COQ6: variants seen among roughly 807,000 people sequenced by gnomAD.
COQ6 encodes ubiquinone biosynthesis monooxygenase COQ6, mitochondrial.
In COQ6, 45 loss-of-function variants were observed where a neutral mutation model predicts 55.5. The observed-to-expected ratio is 0.81, with a 90% CI of 0.64 to 1.04. The LOEUF (loss-of-function observed/expected upper bound fraction) is 1.04. Among genes scored for constraint, COQ6 ranks in the 50% least tolerant of loss-of-function variants. The probability of loss-of-function intolerance (pLI) is 0.00; values close to 1 mark genes in which losing one functional copy is unlikely to be tolerated. For missense variants in COQ6, 550 were observed against 601.3 expected, an observed-to-expected ratio of 0.91 and a Z score of 0.89; for synonymous variants, 206 against 230.5, an observed-to-expected ratio of 0.89 and a Z score of 0.96.
chr14:73,958,902 G>T, intron 5 of COQ6, 69 bp from the exon 6 acceptor site: 1 of 1,595,402 alleles, frequency 6.3e-7, no homozygotes, highest in Admixed American at 1.8e-5. Flanking sequence ...ACTTTAGGGA[G>T]CAGAGAAAAA....
chr14:73,961,416 G>C (rs758524718), intron 9 of COQ6, 39 bp from the exon 10 acceptor site: 1 of 1,614,126 alleles, frequency 6.2e-7, no homozygotes, highest in East Asian at 2.2e-5. Context: ...TTCTCACTTT[G>C]CTGCCAGAGG....
chr14:73,959,325 T>C, intron 7 of COQ6, 90 bp from the exon 8 acceptor site: 2 of 1,614,096 alleles, frequency 1.2e-6, no homozygotes, highest in Non-Finnish European at 1.7e-6. Flanking sequence ...GCCCAGGCTG[T>C]TTGTAAGTTC....
intron 1 of COQ6, among the ~76,000 whole-genome samples, chr14:73,951,115 G>A (rs982393992): frequency 2.6e-5 from 4 of 152,066 alleles, no homozygotes; most frequent in Non-Finnish European, 5.9e-5. Flanking sequence ...TCCTGCCTCT[G>A]CCTCCCAAAT....
chr14:73,950,392 G>A lies in COQ6; in HGVS notation c.60G>A (p.Pro20=). ...TGCGTGCAGCTCCCCACAGCGGCCC[G>A]CTGGTGTCCTGGCGCAGGTGGTCCG... The part of the protein sequence containing the change: ...GAVRAAPHSG[P]LVSWRRWSGA... Residue 20 remains proline (P), a synonymous_variant, in exon 1 of 12, where the codon CCG becomes CCA. Coordinates refer to ENST00000334571, the MANE Select transcript of COQ6 (RefSeq NM_182476.3). 6.3e-7 allele frequency: 1 copy of A among 1,579,108 alleles called. No individual in the cohort carries two copies. The highest frequency in any genetic ancestry group is 1.3e-5 in the African/African-American group (1 of 74,240).
At position 73,955,855 on chromosome 14, in the gene COQ6, A is replaced by G; in HGVS notation, c.408A>G (p.Leu136=). The part of the protein sequence containing the change: ...EALIMFDKDN[L]DDMGYIVEND... Reference sequence around the variant, plus strand: ...TGATAATGTTTGATAAGGATAATTTAGATGACATGGGCTATATCGTGGAGA... The same window carrying G: ...TGATAATGTTTGATAAGGATAATTTGGATGACATGGGCTATATCGTGGAGA... Residue 136 remains leucine, a synonymous_variant, in exon 4 of 12, where the codon TTA becomes TTG. Coordinates refer to ENST00000334571, the MANE Select transcript of COQ6 (RefSeq NM_182476.3). 3 of 1,614,154 alleles carry G rather than the reference A, an allele frequency of 1.9e-6. No individual in the cohort carries two copies. The highest frequency in any genetic ancestry group is 1.1e-5 in the South Asian group (1 of 91,080).
Position 73,950,380 on chromosome 14 carries a change from C to A in COQ6, c.48C>A (p.Pro16=). 2 of 1,569,182 alleles carry A rather than the reference C, an allele frequency of 1.3e-6. No homozygotes were observed. Among genetic ancestry groups the A allele is most frequent in the East Asian group, 2.4e-5 (1 of 42,152 alleles). ...GATGCGGGGCTGTGCGTGCAGCTCC[C>A]CACAGCGGCCCGCTGGTGTCCTGGC... ...VSRCGAVRAA[P]HSGPLVSWRR... is the part of the protein sequence containing the mutation. The change falls in exon 1 of 12, where the codon CCC becomes CCA. Residue 16 remains proline, a synonymous_variant. Coordinates refer to ENST00000334571, the MANE Select transcript of COQ6 (RefSeq NM_182476.3).
Position 73,959,424 on chromosome 14 carries a change from A to G in COQ6, c.793A>G (p.Thr265Ala), listed in dbSNP as rs1326851277. The change falls in exon 8 of 12, where the codon ACC (threonine) becomes GCC (alanine). Residue 265 changes from threonine to alanine, a missense_variant. By Grantham distance (58) the Thr-to-Ala change is moderately conservative (BLOSUM62 0). Transcript: ENST00000334571. ...GPIALLPLSDTLSSLVWSTSH... is the reference protein window; with the variant it reads ...GPIALLPLSDALSSLVWSTSH... ...TGTTCTTTTGACACAGCTCTCAGAC[A>G]CCTTGAGTTCCTTGGTTTGGTCCAC... is the stretch of plus-strand genomic sequence containing the variant. The G allele has an allele frequency of 6.2e-7, 1 of 1,614,166 alleles. No homozygotes were observed. Among genetic ancestry groups the G allele is most frequent in the Admixed American group, 1.7e-5 (1 of 60,016 alleles).
chr14:73,956,238 G>A (rs897667973), intron 4 of COQ6: 43 of 346,788 alleles, frequency 1.2e-4, no homozygotes, highest in Non-Finnish European at 5.7e-5. Context: ...TGAGGCAGGA[G>A]AATGGCGTGA....
At chr14:73,958,118 T>A in intron 4 of COQ6, 29 bp from the exon 5 acceptor site, 1 of 1,584,160 alleles carries the variant, frequency 6.3e-7, no homozygotes. Flanking sequence ...ACCTTTCTAA[T>A]TTTTTTTCCT....
chr14:73,959,723 C>T, intron 8 of COQ6: 8 of 1,154,910 alleles, frequency 6.9e-6, no homozygotes, highest in Non-Finnish European at 9.5e-6. Context: ...GCACGTGCCA[C>T]CATGCCCAGC....
rs763384220 is a variant in COQ6, at chr14:73,950,368, G to A, written c.36G>A (p.Val12=). 16 of 1,562,326 alleles carry A rather than the reference G, an allele frequency of 1.0e-5. No individual in the cohort carries two copies. In the South Asian group the frequency reaches 1.6e-4, roughly 16 times the overall value. ...GGCTTGTCAGCCGATGCGGGGCTGT[G>A]CGTGCAGCTCCCCACAGCGGCCCGC... is the stretch of plus-strand genomic sequence containing the variant. ...AARLVSRCGA[V]RAAPHSGPLV... is the part of the protein sequence containing the mutation. Residue 12 remains valine (V), a synonymous_variant, in exon 1 of 12, where the codon GTG becomes GTA. Coordinates refer to ENST00000334571, the MANE Select transcript of COQ6 (RefSeq NM_182476.3).
rs200918369 is a variant in COQ6 at position 73,959,176 on chromosome 14, C to T, written c.735C>T (p.Asn245=). The change falls in exon 7 of 12, where the codon AAC becomes AAT. Residue 245 remains asparagine (N), a synonymous_variant. Transcript: ENST00000334571. ...CTCTGTTGCAGGCCACAGAAAACAA[C>T]GTAGCCTGGCAGAGATTTCTTCCCT... ...TLHLSEATEN[N]VAWQRFLPSG... The T allele has an allele frequency of 5.8e-5, 94 of 1,614,106 alleles. No homozygotes were observed. Among genetic ancestry groups the T allele is most frequent in the African/African-American group, 1.3e-4 (10 of 74,938 alleles).
intron 8 of COQ6, chr14:73,960,651 C>T (rs948556577): frequency 6.0e-6 from 6 of 997,606 alleles, no homozygotes; most frequent in African/African-American, 5.1e-5. Flanking sequence ...GAACAGTCTC[C>T]GCTTTCAGGA....
chr14:73,956,965 A>G (rs1345562657), intron 4 of COQ6, among the ~76,000 whole-genome samples: 1 of 152,188 alleles, frequency 6.6e-6, no homozygotes, highest in African/African-American at 2.4e-5. Flanking sequence ...ATGTACATGC[A>G]TAGGAAATTG....
At position 73,960,645 on chromosome 14, in the gene COQ6, A is replaced by AGTC. The variant is rs1250784171; in HGVS notation, c.892-527_892-525dup. On this transcript the variant is annotated intron_variant, in intron 8 of 11. Transcript: ENST00000334571. ...AGCAGGCTCTGGAGATACTGAGAACAGTCTCCGCTTTCAGGAAGTTCATAG... is the reference window on the plus strand; with the variant it reads ...AGCAGGCTCTGGAGATACTGAGAACAGTCGTCTCCGCTTTCAGGAAGTTCATAG... 14 of 1,008,066 alleles carry AGTC rather than the reference A, an allele frequency of 1.4e-5. No homozygotes were observed. The African/African-American group carries it at 2.2e-4, about 16-fold the overall frequency. The allele number at this position is 1,008,066 out of a possible 1,614,324, so 62.4% of individuals were successfully genotyped here.
rs962746499 is a variant in COQ6 at position 73,960,837 on chromosome 14, C to T, written c.892-336C>T. The T allele has an allele frequency of 2.4e-5, 10 of 410,338 alleles. 1 individual carries two copies. The Admixed American group carries it at 3.6e-4, about 15-fold the overall frequency. 25.4% of individuals were successfully genotyped at this position (410,338 alleles called of 1,614,324 possible). A position where few individuals can be genotyped will look rare whatever the true frequency, so the allele number is the denominator to read the frequency against. ...GTTATCCTAATGAAATAGAGACGGG[C>T]ATTCTAAGCAGAGGAGAGTCATGGA... On this transcript the variant is annotated intron_variant, in intron 8 of 11. Coordinates refer to ENST00000334571, the MANE Select transcript of COQ6 (RefSeq NM_182476.3).
At chr14:73,951,980 C>CAAAAA (rs71115933) in intron 1 of COQ6, among the ~76,000 whole-genome samples, 1 of 79,776 alleles carries the variant, frequency 1.3e-5, no homozygotes, top group Non-Finnish European at 2.4e-5. Flanking sequence ...CTCGATATCT[C>CAAAAA]AAAAAAAAAA....
chr14:73,958,163 C>T lies in COQ6; in HGVS notation c.498C>T (p.Leu166=), dbSNP rs139341447. Residue 166 remains leucine, a synonymous_variant, in exon 5 of 12, where the codon CTC becomes CTT. Coordinates refer to ENST00000334571, the MANE Select transcript of COQ6 (RefSeq NM_182476.3). ...LEAVSDRVTV[L]YRSKAIRYTW... ...CCTCCCCAGACCGAGTGACGGTTCT[C>T]TACAGGAGCAAAGCCATTCGCTATA... The T allele has an allele frequency of 2.3e-4, 367 of 1,613,914 alleles. No homozygotes were observed. The highest frequency in any genetic ancestry group is 3.0e-4 in the Non-Finnish European group (353 of 1,180,006).
In COQ6 at chr14:73,961,748, C is replaced by T. The variant is rs2056747080; in HGVS notation, c.1222C>T (p.His408Tyr). The change falls in exon 11 of 12, where the codon CAC becomes TAC. Residue 408 changes from histidine (H) to tyrosine (Y), a missense_variant. By Grantham distance (83) the His-to-Tyr change is moderately conservative (BLOSUM62 2). Transcript: ENST00000334571. ...FNGKDLGSVS[H>Y]LTGYETERQR... ...CCTCTGCCCTTCAGGTTCCGTGAGCCACCTCACAGGTTATGAAACAGAAAG... is the reference window on the plus strand; with the variant it reads ...CCTCTGCCCTTCAGGTTCCGTGAGCTACCTCACAGGTTATGAAACAGAAAG... 1 of 1,614,162 alleles carries T rather than the reference C, an allele frequency of 6.2e-7. No homozygotes were observed. Among genetic ancestry groups the T allele is most frequent in the South Asian group, 1.1e-5 (1 of 91,078 alleles).
Sources: allele counts gnomAD v4.1 joint callset (sites outside exome capture counted in the v4.1 genomes callset), GRCh38; gene constraint gnomAD v4.1.1; transcripts MANE v1.5; gene names NCBI Gene and HGNC (gene_info 2026-07-23, HGNC 2026-07-21).